Variants in IL1R1 observed in about 807,000 individuals in gnomAD.
IL1R1 encodes interleukin 1 receptor type 1.
Under a neutral mutation model 50.2 loss-of-function variants are expected in IL1R1, and 22 were observed. That is an observed-to-expected ratio of 0.44 (90% CI 0.31 to 0.63). IL1R1 has a LOEUF of 0.63. IL1R1 is among the 20% of genes least tolerant of loss of function. The pLI, the probability that IL1R1 is intolerant of heterozygous loss-of-function variation, is 0.07. For missense variants in IL1R1, 509 were observed against 676.2 expected (o/e 0.75, Z 2.74); for synonymous variants, 251 against 236.7 (o/e 1.06, Z -0.55).
At chr2:102,112,257 G>A (rs1249580716) in intron 1 of IL1R1, among the ~76,000 whole-genome samples, 1 of 151,684 alleles carries the variant, frequency 6.6e-6, no homozygotes, top group Admixed American at 6.6e-5. Context: ...GGCCTATTTC[G>A]GCGGCAAAAC....
chr2:102,137,596 CTG>C (rs1228007207), intron 1 of IL1R1, among the ~76,000 whole-genome samples: 1 of 152,166 alleles, frequency 6.6e-6, no homozygotes, highest in Non-Finnish European at 1.5e-5. Flanking sequence ...GGCATCAAGA[CTG>C]AGTGTTCTAA....
chr2:102,102,799 C>T (rs76229815), upstream of IL1R1, among the ~76,000 whole-genome samples: 11 of 151,914 alleles, frequency 7.2e-5, no homozygotes, highest in East Asian at 1.9e-4. Context: ...ACATGTACAC[C>T]GCGGAATATT....
chr2:102,163,909 A>G (rs1578011848), intron 3 of IL1R1, among the ~76,000 whole-genome samples: 1 of 152,162 alleles, frequency 6.6e-6, no homozygotes, highest in African/African-American at 2.4e-5. Flanking sequence ...TTTAAGCTTA[A>G]TTAGGATCAG....
intron 10 of IL1R1, 131 bp downstream of exon 10, chr2:102,174,861 T>C (rs1165865689): frequency 6.3e-6 from 4 of 639,216 alleles, no homozygotes; most frequent in Admixed American, 3.4e-5. Flanking sequence ...AGAATACTAG[T>C]TATTCTTACA....
chr2:102,092,601 A>T (rs1489323942), intron 1 of IL1R1, among the ~76,000 whole-genome samples: 1 of 152,086 alleles, frequency 6.6e-6, no homozygotes, highest in Admixed American at 6.5e-5. Flanking sequence ...GCTAAATAAC[A>T]CTCGGGCCTG....
chr2:102,092,137 T>G (rs1013276833), intron 1 of IL1R1, among the ~76,000 whole-genome samples: 6 of 152,298 alleles, frequency 3.9e-5, no homozygotes, highest in African/African-American at 1.4e-4. Context: ...CCCTCAAGCT[T>G]CTGATTGTCA....
At chr2:102,100,371 G>A (rs989744763), upstream of IL1R1, among the ~76,000 whole-genome samples, 1 of 152,162 alleles carries the variant, frequency 6.6e-6, no homozygotes, top group African/African-American at 2.4e-5. Flanking sequence ...AGCCAGGATG[G>A]AACCAAATAC....
At chr2:102,091,669 T>C (rs1679672245) in intron 1 of IL1R1, among the ~76,000 whole-genome samples, 1 of 152,310 alleles carries the variant, frequency 6.6e-6, no homozygotes, top group Admixed American at 6.5e-5. Context: ...AAATAGACAA[T>C]ACACTGTTGC....
intron 7 of IL1R1, among the ~76,000 whole-genome samples, chr2:102,169,622 G>A (rs987085702): frequency 2.0e-5 from 3 of 152,234 alleles, no homozygotes; most frequent in Admixed American, 1.3e-4. Flanking sequence ...CATGACAGCA[G>A]TCAAGAACCA....
chr2:102,087,988 C>T (rs1215027910), intron 1 of IL1R1, among the ~76,000 whole-genome samples: 1 of 152,234 alleles, frequency 6.6e-6, no homozygotes, highest in Non-Finnish European at 1.5e-5. Context: ...ATTCCACCTT[C>T]AGGCTCCACT....
intron 1 of IL1R1, among the ~76,000 whole-genome samples, chr2:102,126,557 A>G (rs1681720363): frequency 6.6e-6 from 1 of 151,456 alleles, no homozygotes; most frequent in Non-Finnish European, 1.5e-5. Flanking sequence ...TCAGATTTTT[A>G]TCTCCATTGA....
chr2:102,113,299 C>T (rs1189478870), intron 1 of IL1R1, among the ~76,000 whole-genome samples: 1 of 152,196 alleles, frequency 6.6e-6, no homozygotes, highest in Non-Finnish European at 1.5e-5. Flanking sequence ...GGAAATTTGC[C>T]TTCTTTTATC....
chr2:102,166,326 C>T lies in IL1R1; in HGVS notation c.655+45C>T, dbSNP rs755243724. 5 of 1,419,342 alleles carry T rather than the reference C, an allele frequency of 3.5e-6. No homozygotes were observed. The South Asian group carries it at 7.0e-5, about 20-fold the overall frequency. The allele number at this position is 1,419,342 out of a possible 1,614,324, so 87.9% of individuals were successfully genotyped here. ...CTAAAAGGTTTAGATCTGGGAAGGT[C>T]CAGAGACTGTGATTCTAATACTACT... On this transcript the variant is annotated intron_variant, in intron 6 of 11. Transcript: ENST00000410023.
rs118106434 is a variant in IL1R1 at position 102,116,233 on chromosome 2, A to G, written c.-84+11361A>G. On this transcript the variant is annotated intron_variant, in intron 1 of 10. Transcript: ENST00000409329. ...CTTTGTTTGTCTCTCTTCAACCACC[A>G]TGCTGAGAAAAAAGTTTAAGGGCTT... 5.3e-5 allele frequency among the ~76,000 whole-genome samples: 8 copies of G among 152,290 alleles called. No homozygotes were observed. The East Asian group carries it at 1.5e-3, about 29-fold the overall frequency.
rs1233273110 is a variant in IL1R1 at position 102,165,241 on chromosome 2, G to T, written c.423G>T (p.Val141=). ...CCGTTGCAGGAGACGGAGGACTTGT[G>T]TGCCCTTATATGGAGTTTTTTAAAA... ...KLPVAGDGGL[V]CPYMEFFKNE... The change falls in exon 5 of 12, where the codon GTG becomes GTT. Residue 141 remains valine, a synonymous_variant. Coordinates refer to ENST00000410023, the MANE Select transcript of IL1R1 (RefSeq NM_000877.4). 5.6e-6 allele frequency: 9 copies of T among 1,606,906 alleles called. No individual in the cohort carries two copies. The East Asian group carries it at 1.1e-4, about 20-fold the overall frequency.
intron 1 of IL1R1, among the ~76,000 whole-genome samples, chr2:102,121,795 C>T (rs778193819): frequency 6.6e-6 from 1 of 152,166 alleles, no homozygotes; most frequent in Non-Finnish European, 1.5e-5. Flanking sequence ...TATTTGGCAG[C>T]ATTTTTTTTC....
At chr2:102,174,797 T>C (rs1341328445) in intron 10 of IL1R1, 67 bp downstream of exon 10, 17 of 1,359,216 alleles carry the variant, frequency 1.3e-5, no homozygotes, top group East Asian at 2.4e-5. Context: ...ATGTAGAAGA[T>C]GACTAAGAGG....
chr2:102,085,883 CTT>C (rs549218988), intron 1 of IL1R1, among the ~76,000 whole-genome samples: 173 of 152,152 alleles, frequency 1.1e-3, no homozygotes, highest in Non-Finnish European at 1.8e-3. Flanking sequence ...TTTAACTTCT[CTT>C]GGCAATTTTT....
chr2:102,111,705 G>A (rs571089530), intron 1 of IL1R1, among the ~76,000 whole-genome samples: 44 of 152,228 alleles, frequency 2.9e-4, no homozygotes, highest in Admixed American at 4.6e-4. Flanking sequence ...AAGAGGACCC[G>A]GCCACCTCTA....
Sources: allele counts gnomAD v4.1 joint callset (sites outside exome capture counted in the v4.1 genomes callset), GRCh38; gene constraint gnomAD v4.1.1; transcripts MANE v1.5; gene names NCBI Gene and HGNC (gene_info 2026-07-23, HGNC 2026-07-21).